ULK4: variants seen among roughly 807,000 people sequenced by gnomAD.
ULK4 encodes inactive serine/threonine-protein kinase ULK4.
In ULK4, 133 loss-of-function variants were observed where a neutral mutation model predicts 160.6. The observed-to-expected ratio is 0.83, with a 90% CI of 0.72 to 0.96. ULK4 has a LOEUF of 0.96. ULK4 is among the 40% of genes least tolerant of loss of function. The pLI is 0.00. For missense variants in ULK4, 1,580 were observed against 1,499.5 expected (o/e 1.05, Z -0.89); for synonymous variants, 534 against 539.8 (o/e 0.99, Z 0.15).
At chr3:41,594,852 T>C (rs899687481) in intron 31 of ULK4, among the ~76,000 whole-genome samples, 2 of 151,924 alleles carry the variant, frequency 1.3e-5, no homozygotes, top group African/African-American at 4.8e-5. Flanking sequence ...TGAAACAGGA[T>C]GGTGGCTTGG....
At chr3:41,773,645 C>T (rs571356505) in intron 21 of ULK4, among the ~76,000 whole-genome samples, 1 of 152,096 alleles carries the variant, frequency 6.6e-6, no homozygotes, top group Non-Finnish European at 1.5e-5. Flanking sequence ...GGCCATACTG[C>T]CCAAGGTAAT....
intron 31 of ULK4, among the ~76,000 whole-genome samples, chr3:41,594,108 T>C (rs1406933038): frequency 6.6e-6 from 1 of 152,102 alleles, no homozygotes; most frequent in Non-Finnish European, 1.5e-5. Flanking sequence ...GCAGAGTTAT[T>C]TTTAAAGGCA....
At chr3:41,667,282 C>G (rs1053681010) in intron 29 of ULK4, among the ~76,000 whole-genome samples, 1 of 152,136 alleles carries the variant, frequency 6.6e-6, no homozygotes, top group Non-Finnish European at 1.5e-5. Flanking sequence ...AAAGCTTATA[C>G]TAGCTTGTGC....
At chr3:41,407,895 A>G (rs1452968089) in intron 34 of ULK4, among the ~76,000 whole-genome samples, 1 of 152,164 alleles carries the variant, frequency 6.6e-6, no homozygotes, top group Non-Finnish European at 1.5e-5. Context: ...AAAAAGAAGT[A>G]AAACTCTATT....
chr3:41,369,579 G>C (rs2081320796), intron 35 of ULK4, among the ~76,000 whole-genome samples: 1 of 151,946 alleles, frequency 6.6e-6, no homozygotes, highest in East Asian at 1.9e-4. Flanking sequence ...GATCACCTGA[G>C]GTCAGGAGAT....
At chr3:41,639,545 T>C (rs1046910159) in intron 30 of ULK4, among the ~76,000 whole-genome samples, 4 of 152,044 alleles carry the variant, frequency 2.6e-5, no homozygotes, top group African/African-American at 9.7e-5. Flanking sequence ...CTGGATAACA[T>C]GGTGAAACCC....
intron 30 of ULK4, among the ~76,000 whole-genome samples, chr3:41,644,210 C>A (rs1019054009): frequency 2.0e-5 from 3 of 151,950 alleles, no homozygotes; most frequent in Non-Finnish European, 4.4e-5. Context: ...ATTGTCCTGG[C>A]CAGAACTTCC....
At chr3:41,270,977 G>A (rs2079128302) in intron 35 of ULK4, among the ~76,000 whole-genome samples, 1 of 151,986 alleles carries the variant, frequency 6.6e-6, no homozygotes, top group Admixed American at 6.6e-5. Context: ...TTGTTGCAGG[G>A]CTTATAAAAC....
chr3:41,741,334 T>C lies in ULK4; in HGVS notation c.2321+13027A>G, dbSNP rs189885686. ...CAAATAGAAGTTTTGCCACTTTTACTTTACAAACATAACTTCATAATTAAT... is the reference window on the plus strand; with the variant it reads ...CAAATAGAAGTTTTGCCACTTTTACCTTACAAACATAACTTCATAATTAAT... On this transcript the variant is annotated intron_variant, in intron 22 of 36. Coordinates refer to ENST00000301831, the MANE Select transcript of ULK4 (RefSeq NM_017886.4). Among the ~76,000 whole-genome samples, 318 of 152,050 alleles carry C rather than the reference T, an allele frequency of 2.1e-3. 8 individuals are homozygous for C. Among genetic ancestry groups the C allele is most frequent in the African/African-American group, 7.4e-3 (305 of 41,330 alleles).
intron 27 of ULK4, among the ~76,000 whole-genome samples, chr3:41,700,703 A>G (rs2036644398): frequency 6.6e-6 from 1 of 152,220 alleles, no homozygotes; most frequent in African/African-American, 2.4e-5. Context: ...CTCCAAGAAA[A>G]CAGGAAGATT....
intron 12 of ULK4, among the ~76,000 whole-genome samples, chr3:41,901,242 T>C (rs1233116716): frequency 3.4e-5 from 5 of 147,726 alleles, no homozygotes; most frequent in Admixed American, 6.8e-5. Flanking sequence ...TACAGTAGCG[T>C]GATCTCGGCT....
intron 32 of ULK4, among the ~76,000 whole-genome samples, chr3:41,488,430 C>G (rs1210173569): frequency 6.6e-6 from 1 of 152,298 alleles, no homozygotes; most frequent in African/African-American, 2.4e-5. Flanking sequence ...TTGGTAAGCT[C>G]TACACACACA....
In ULK4 at chr3:41,494,424, G is replaced by A. The variant is rs1427921386; in HGVS notation, c.3227-31171C>T. ...TCAATAAATTAGGTATTGATGGGAC[G>A]TATCTCAAAATAATAAGAGCCATCT... On this transcript the variant is annotated intron_variant, in intron 32 of 36. Coordinates refer to ENST00000301831, the MANE Select transcript of ULK4 (RefSeq NM_017886.4). Among the ~76,000 whole-genome samples the A allele has an allele frequency of 7.5e-5, 11 of 146,124 alleles. No individual in the cohort carries two copies. In the South Asian group the frequency reaches 9.0e-4, roughly 12 times the overall value.
intron 32 of ULK4, among the ~76,000 whole-genome samples, chr3:41,524,353 T>A (rs1455187977): frequency 6.6e-6 from 1 of 152,164 alleles, no homozygotes; most frequent in Non-Finnish European, 1.5e-5. Context: ...ACTAAACTAG[T>A]CTCCCCTTTC....
chr3:41,919,692 T>G, intron 6 of ULK4, 25 bp downstream of exon 6: 1 of 1,589,386 alleles, frequency 6.3e-7, no homozygotes, highest in South Asian at 1.1e-5. Context: ...AGCTCTGATT[T>G]TATACCTATT....
chr3:41,942,663 CAAA>C (rs1232636893), intron 2 of ULK4, among the ~76,000 whole-genome samples: 5 of 151,792 alleles, frequency 3.3e-5, no homozygotes, highest in African/African-American at 4.8e-5. Flanking sequence ...ACTAAAACTA[CAAA>C]ATTAGCTGGG....
At chr3:41,869,908 T>G (rs904854213) in intron 17 of ULK4, among the ~76,000 whole-genome samples, 1 of 152,256 alleles carries the variant, frequency 6.6e-6, no homozygotes, top group African/African-American at 2.4e-5. Context: ...TCTCTCAGTT[T>G]GGAGACTAAT....
rs150737853 is a variant in ULK4, at chr3:41,750,410, G to A, written c.2321+3951C>T. Among the ~76,000 whole-genome samples, 29 of 152,186 alleles carry A rather than the reference G, an allele frequency of 1.9e-4. No homozygotes were observed. In the East Asian group the frequency reaches 4.6e-3, roughly 24 times the overall value. On this transcript the variant is annotated intron_variant, in intron 22 of 36. Transcript: ENST00000301831. ...CTCAATTGGAAATCCTCCTCCATCTGTTCTTTACTCCTCCTAATGTTCTTG... is the reference window on the plus strand; with the variant it reads ...CTCAATTGGAAATCCTCCTCCATCTATTCTTTACTCCTCCTAATGTTCTTG...
At chr3:41,324,413 T>C (rs1343401567) in intron 35 of ULK4, among the ~76,000 whole-genome samples, 1 of 152,240 alleles carries the variant, frequency 6.6e-6, no homozygotes, top group Non-Finnish European at 1.5e-5. Flanking sequence ...AATGTCTGTG[T>C]ACTCTGTGTA....
Sources: gnomAD v4.1 joint callset for allele counts (sites outside exome capture counted in the v4.1 genomes callset) on GRCh38, gnomAD v4.1.1 for gene constraint, MANE v1.5 for transcripts, NCBI Gene and HGNC (gene_info 2026-07-23, HGNC 2026-07-21) for gene names.